Variants in NMT1 observed in about 807,000 individuals in gnomAD.
NMT1 encodes the protein N-myristoyltransferase 1.
Under a neutral mutation model 63.4 loss-of-function variants are expected in NMT1, and 12 were observed. That is an observed-to-expected ratio of 0.19 (90% CI 0.12 to 0.31). The LOEUF (loss-of-function observed/expected upper bound fraction) is 0.31, where lower values mean the gene tolerates loss of function less well. Ranked by LOEUF, NMT1 falls within the 10% of genes least tolerant of loss-of-function variation. NMT1 has a pLI of 1.00. For missense variants in NMT1, 432 were observed against 634.6 expected (o/e 0.68, Z 3.43); for synonymous variants, 228 against 234.3 (o/e 0.97, Z 0.25).
intron 1 of NMT1, among the ~76,000 whole-genome samples, chr17:45,079,776 T>C (rs1311462257): frequency 6.6e-6 from 1 of 152,028 alleles, no homozygotes; most frequent in Non-Finnish European, 1.5e-5. Context: ...CTCGGCTCAC[T>C]GCAAGCTCCG....
At chr17:45,096,351 C>T (rs945972702) in intron 5 of NMT1, 66 bp downstream of exon 5, 18 of 1,313,162 alleles carry the variant, frequency 1.4e-5, no homozygotes, top group Non-Finnish European at 1.9e-5. Flanking sequence ...CCAGAGGGCA[C>T]CAGAGTTTTC....
At chr17:45,063,575 A>G (rs192745708) in intron 1 of NMT1, among the ~76,000 whole-genome samples, 229 of 152,242 alleles carry the variant, frequency 1.5e-3, no homozygotes, top group Admixed American at 4.5e-3. Flanking sequence ...TAATCTGTGA[A>G]TCACTTTTCA....
intron 2 of NMT1, 44 bp downstream of exon 2, chr17:45,081,796 CAT>C: frequency 7.0e-7 from 1 of 1,423,738 alleles, no homozygotes; most frequent in Non-Finnish European, 9.6e-7. Context: ...CACTTTTTCA[CAT>C]GAGAGAGTTT....
intron 3 of NMT1, 71 bp from the exon 4 acceptor site, chr17:45,093,609 GGTTGA>G: frequency 8.3e-7 from 1 of 1,198,898 alleles, no homozygotes; most frequent in Non-Finnish European, 1.2e-6. Context: ...AATTTGCTCT[GGTTGA>G]GTTTTGAACT....
At chr17:45,070,014 C>T (rs764709736) in intron 1 of NMT1, among the ~76,000 whole-genome samples, 34 of 152,066 alleles carry the variant, frequency 2.2e-4, no homozygotes, top group Non-Finnish European at 3.7e-4. Context: ...GTCTAACTCG[C>T]CAAACAAACT....
chr17:45,091,794 G>A (rs1347730032), intron 3 of NMT1, among the ~76,000 whole-genome samples: 1 of 152,172 alleles, frequency 6.6e-6, no homozygotes, highest in Non-Finnish European at 1.5e-5. Flanking sequence ...GGGAGGCCAA[G>A]GCAGGAGGAT....
chr17:45,105,144 C>G lies in NMT1; in HGVS notation c.1470+148C>G, dbSNP rs561236447. The G allele has an allele frequency of 1.6e-4, 169 of 1,031,136 alleles. No individual in the cohort carries two copies. The African/African-American group carries it at 2.0e-3, about 12-fold the overall frequency. The allele number at this position is 1,031,136 out of a possible 1,614,324, so 63.9% of individuals were successfully genotyped here. ...TTTGAAAATGCCCTCCCTCTGCTGG[C>G]CAGACCAGCAGGTCAGCGTTCCCCT... On this transcript the variant is annotated intron_variant, in intron 11 of 11. Coordinates refer to ENST00000258960, the MANE Select transcript of NMT1 (RefSeq NM_021079.5). The surrounding 1 kb of genome is among the most constrained non-coding windows in gnomAD (Gnocchi z 4.2).
chr17:45,088,793 G>T (rs1231747575), intron 3 of NMT1, among the ~76,000 whole-genome samples: 2 of 151,652 alleles, frequency 1.3e-5, no homozygotes, highest in Admixed American at 6.6e-5. Context: ...GGCAGCTTGG[G>T]ATTAATTTGC....
At chr17:45,062,053 A>G (rs1234675340) in intron 1 of NMT1, 1 of 152,292 alleles carries the variant, frequency 6.6e-6, no homozygotes, top group Non-Finnish European at 1.5e-5. Context: ...AGTATCCTGA[A>G]CGATATATTA....
rs1184347405 is a variant in NMT1, at chr17:45,093,607, C to G, written c.386-78C>G. 6 of 1,173,278 alleles carry G rather than the reference C, an allele frequency of 5.1e-6. No homozygotes were observed. In the East Asian group the frequency reaches 1.2e-4, roughly 23 times the overall value. The allele number at this position is 1,173,278 out of a possible 1,614,324, so 72.7% of individuals were successfully genotyped here. A position where few individuals can be genotyped will look rare whatever the true frequency, so the allele number is the denominator to read the frequency against. On this transcript the variant is annotated intron_variant, in intron 3 of 11. Coordinates refer to ENST00000258960, the MANE Select transcript of NMT1 (RefSeq NM_021079.5). ...CTCCTAGGGACAGGAGGAATTTGCT[C>G]TGGTTGAGTTTTGAACTGAGCCCTT...
chr17:45,105,579 C>G lies in NMT1; in HGVS notation c.1471-40C>G, dbSNP rs943330429. ...GGGGTGTGGGAGAGTCTTTGGGCCA[C>G]TGTCAACTCAGCTCTGCCTCTCCCT... On this transcript the variant is annotated intron_variant, in intron 11 of 11. Transcript: ENST00000258960. This position sits in a 1 kb window ranked among gnomAD's most constrained non-coding sequence, Gnocchi z 4.2. 6.2e-7 allele frequency: 1 copy of G among 1,612,202 alleles called. No homozygotes were observed. Among genetic ancestry groups the G allele is most frequent in the Middle Eastern group, 1.7e-4 (1 of 6,058 alleles).
At chr17:45,100,111 CAG>C (rs1029819698) in intron 8 of NMT1, among the ~76,000 whole-genome samples, 4 of 151,910 alleles carry the variant, frequency 2.6e-5, no homozygotes, top group Non-Finnish European at 4.4e-5. Flanking sequence ...TGTTTTGAGA[CAG>C]GGTCTCATTC....
At chr17:45,077,104 A>T (rs2053983007) in intron 1 of NMT1, among the ~76,000 whole-genome samples, 1 of 152,178 alleles carries the variant, frequency 6.6e-6, no homozygotes, top group South Asian at 2.1e-4. Context: ...AAGTTGGAAG[A>T]AGTAATTATT....
Position 45,103,705 on chromosome 17 carries a change from T to G in NMT1, c.1165-4T>G. 1 of 1,610,150 alleles carries G rather than the reference T, an allele frequency of 6.2e-7. No individual in the cohort carries two copies. Among genetic ancestry groups the G allele is most frequent in the Non-Finnish European group, 8.5e-7 (1 of 1,177,780 alleles). On this transcript the variant is annotated splice_polypyrimidine_tract_variant and splice_region_variant and intron_variant, in intron 9 of 11. Coordinates refer to ENST00000258960, the MANE Select transcript of NMT1 (RefSeq NM_021079.5). The surrounding 1 kb of genome is among the most constrained non-coding windows in gnomAD (Gnocchi z 4.8). ...ACATTGCCTCTTTATTGCCTTCCCTTCAGAACGCAAACGGAGAGGTGACAG... is the reference window on the plus strand; with the variant it reads ...ACATTGCCTCTTTATTGCCTTCCCTGCAGAACGCAAACGGAGAGGTGACAG...
In NMT1 at chr17:45,099,250, G is replaced by A. The variant is rs185535137; in HGVS notation, c.885-155G>A. ...GAGCTTTGGCAGCACTCACTGTGGG[G>A]AGGGGGAGGCTGGAGAGCAGGGTGA... On this transcript the variant is annotated intron_variant, in intron 7 of 11. Transcript: ENST00000258960. Among the ~76,000 whole-genome samples the A allele has an allele frequency of 4.4e-4, 67 of 152,308 alleles. 1 individual carries two copies. In the East Asian group the frequency reaches 0.011, roughly 24 times the overall value.
rs1347467168 is a variant in NMT1 at position 45,104,430 on chromosome 17, CA to C, written c.1333-428del. 3 of 1,106,124 alleles carry C rather than the reference CA, an allele frequency of 2.7e-6. No individual in the cohort carries two copies. In the African/African-American group the frequency reaches 4.9e-5, roughly 18 times the overall value. The allele number at this position is 1,106,124 out of a possible 1,614,324, so 68.5% of individuals were successfully genotyped here. A position where few individuals can be genotyped will look rare whatever the true frequency, so the allele number is the denominator to read the frequency against. ...AAGCAACACAGCAGGTGTCATACAA[CA>C]TGAGGTGCACTGAGGGCCTGAGAGT... is the stretch of plus-strand genomic sequence containing the variant. On this transcript the variant is annotated intron_variant, in intron 10 of 11. Transcript: ENST00000258960. This position sits in a 1 kb window ranked among gnomAD's most constrained non-coding sequence, Gnocchi z 4.2.
chr17:45,068,145 G>A (rs950913428), intron 1 of NMT1, among the ~76,000 whole-genome samples: 1 of 152,116 alleles, frequency 6.6e-6, no homozygotes, highest in African/African-American at 2.4e-5. Context: ...CAAAAATATG[G>A]TGTTCTCTAT....
At chr17:45,098,720 C>T (rs1049559374) in intron 7 of NMT1, 168 bp downstream of exon 7, 14 of 615,286 alleles carry the variant, frequency 2.3e-5, no homozygotes, top group South Asian at 4.0e-5. Flanking sequence ...ATGGAGAGGG[C>T]GGGAGGGTTG....
chr17:45,104,641 C>G lies in NMT1; in HGVS notation c.1333-218C>G, dbSNP rs1034085268. ...GACACTGAGTACATATGTGTACACTCTGAGGGACACTGGGCAGAGGCCAGG... is the reference window on the plus strand; with the variant it reads ...GACACTGAGTACATATGTGTACACTGTGAGGGACACTGGGCAGAGGCCAGG... On this transcript the variant is annotated intron_variant, in intron 10 of 11. Coordinates refer to ENST00000258960, the MANE Select transcript of NMT1 (RefSeq NM_021079.5). The surrounding 1 kb of genome is among the most constrained non-coding windows in gnomAD (Gnocchi z 4.2). The G allele has an allele frequency of 9.2e-6, 13 of 1,405,408 alleles. No individual in the cohort carries two copies. Among genetic ancestry groups the G allele is most frequent in the South Asian group, 1.5e-5 (1 of 65,378 alleles). 87.1% of individuals were successfully genotyped at this position (1,405,408 alleles called of 1,614,324 possible).
Sources: gnomAD v4.1 joint callset for allele counts (sites outside exome capture counted in the v4.1 genomes callset) on GRCh38, gnomAD v4.1.1 for gene constraint, Gnocchi (gnomAD v3.1) non-coding constraint, MANE v1.5 for transcripts, NCBI Gene and HGNC (gene_info 2026-07-23, HGNC 2026-07-21) for gene names.